The following KAZN variants were observed in gnomAD, a reference collection of about 807,000 sequenced individuals.
KAZN encodes the protein kazrin, periplakin interacting protein, also known as kazrin.
A neutral mutation model predicts 87.4 loss-of-function variants in KAZN; 40 were observed. The observed-to-expected ratio is 0.46, with a 90% CI of 0.36 to 0.60. The LOEUF (loss-of-function observed/expected upper bound fraction) is 0.60, where lower values mean the gene tolerates loss of function less well. Among genes scored for constraint, KAZN ranks in the 20% least tolerant of loss-of-function variants. KAZN has a pLI of 0.00. For synonymous variants in KAZN, 466 were observed against 458.3 expected, an observed-to-expected ratio of 1.02 and a Z score of -0.22; for missense variants, 898 against 1,073.9, an observed-to-expected ratio of 0.84 and a Z score of 2.29.
intron 1 of KAZN, among the ~76,000 whole-genome samples, chr1:14,932,222 A>G (rs1659913260): frequency 6.6e-6 from 1 of 152,016 alleles, no homozygotes; most frequent in Admixed American, 6.5e-5. Context: ...CTGTTCGTCC[A>G]TGCTCCCCAC....
chr1:15,067,434 C>T (rs190384841), intron 8 of KAZN: 13 of 985,444 alleles, frequency 1.3e-5, no homozygotes, highest in Admixed American at 1.2e-4. Flanking sequence ...TGCCAGGGGA[C>T]GGAGGATGTG....
At chr1:14,322,965 A>AG (rs1349240023) in intron 2 of KAZN, among the ~76,000 whole-genome samples, 3 of 152,230 alleles carry the variant, frequency 2.0e-5, no homozygotes, top group Non-Finnish European at 4.4e-5. Context: ...GAAGGCAAAG[A>AG]GGAAGCAAGG....
intron 1 of KAZN, among the ~76,000 whole-genome samples, chr1:14,849,925 T>A (rs910765991): frequency 1.3e-5 from 2 of 150,482 alleles, no homozygotes; most frequent in African/African-American, 4.9e-5. Context: ...CTTGGGTAGA[T>A]TTTCTACCCC....
intron 1 of KAZN, among the ~76,000 whole-genome samples, chr1:14,008,638 A>T (rs1417512047): frequency 6.6e-6 from 1 of 152,224 alleles, no homozygotes; most frequent in Non-Finnish European, 1.5e-5. Flanking sequence ...AAATCAGATG[A>T]CTGGTGACAT....
At chr1:14,477,990 T>C (rs1668846971) in intron 2 of KAZN, among the ~76,000 whole-genome samples, 1 of 152,220 alleles carries the variant, frequency 6.6e-6, no homozygotes, top group Non-Finnish European at 1.5e-5. Flanking sequence ...GCCTTGTGTC[T>C]CCACAGCTCA....
intron 1 of KAZN, among the ~76,000 whole-genome samples, chr1:14,804,105 A>G (rs1416401262): frequency 2.0e-5 from 3 of 152,064 alleles, no homozygotes; most frequent in Non-Finnish European, 2.9e-5. Context: ...AGGGCTCACA[A>G]ATGGTTCTGT....
intron 1 of KAZN, among the ~76,000 whole-genome samples, chr1:14,712,278 A>G (rs1172693733): frequency 1.3e-5 from 2 of 152,158 alleles, no homozygotes; most frequent in African/African-American, 4.8e-5. Context: ...TGTGAGATTC[A>G]TCTGTGCCTG....
intron 1 of KAZN, among the ~76,000 whole-genome samples, chr1:14,914,970 C>T (rs907476739): frequency 6.6e-6 from 1 of 152,128 alleles, no homozygotes; most frequent in Non-Finnish European, 1.5e-5. Context: ...GCGGGCGGAT[C>T]ACCTGAGGTC....
At chr1:13,893,184 T>G (rs936547101) in exon 1 of KAZN, 1 of 152,288 alleles carries the variant, frequency 6.6e-6, no homozygotes, top group Admixed American at 6.5e-5. Context: ...TGGGGCAGCC[T>G]CGCGCCCTGC....
chr1:14,386,715 A>G (rs1661931197), intron 2 of KAZN, among the ~76,000 whole-genome samples: 1 of 152,060 alleles, frequency 6.6e-6, no homozygotes, highest in African/African-American at 2.4e-5. Context: ...CTTTGAGGGT[A>G]ACATGACCTT....
chr1:14,889,103 G>C (rs2101147565), intron 1 of KAZN, among the ~76,000 whole-genome samples: 1 of 152,322 alleles, frequency 6.6e-6, no homozygotes. Context: ...GCCGCATGCA[G>C]CCTGCGGGCC....
chr1:14,819,586 C>T (rs1484746940), intron 1 of KAZN, among the ~76,000 whole-genome samples: 4 of 151,956 alleles, frequency 2.6e-5, no homozygotes, highest in African/African-American at 9.7e-5. Context: ...GCCAAAGTGC[C>T]CTACAGATTT....
chr1:13,956,315 T>TC (rs1641547434), intron 1 of KAZN, among the ~76,000 whole-genome samples: 1 of 140,652 alleles, frequency 7.1e-6, no homozygotes, highest in African/African-American at 3.2e-5. Flanking sequence ...TTTTTCTTTT[T>TC]TTTTTTTTGA....
At chr1:14,953,017 T>C (rs141934919) in intron 1 of KAZN, among the ~76,000 whole-genome samples, 2 of 152,346 alleles carry the variant, frequency 1.3e-5, no homozygotes, top group African/African-American at 4.8e-5. Flanking sequence ...GAGCCAAGAC[T>C]GAGCCCCAGC....
At chr1:14,850,587 C>T (rs1649318364) in intron 1 of KAZN, among the ~76,000 whole-genome samples, 1 of 152,200 alleles carries the variant, frequency 6.6e-6, no homozygotes, top group African/African-American at 2.4e-5. Flanking sequence ...TTCCACCTCA[C>T]TGCCATGGCC....
chr1:14,141,251 AAAC>A lies in KAZN; in HGVS notation c.92-39181_92-39179del, dbSNP rs1570848935. The stretch of plus-strand genomic sequence containing the variant: ...GATTACCATTTAAAAAAAAAAAAAA[AAAC>A]AAAACTAAAAATAGCTGCTTGGAGA... On this transcript the variant is annotated intron_variant, in intron 1 of 16. Transcript: ENST00000636203. Among the ~76,000 whole-genome samples the A allele has an allele frequency of 1.3e-4, 20 of 151,274 alleles. 1 individual carries two copies. Among genetic ancestry groups the A allele is most frequent in the African/African-American group, 3.2e-4 (13 of 41,136 alleles).
At chr1:15,111,659 A>T (rs1183701974) in intron 13 of KAZN, among the ~76,000 whole-genome samples, 1 of 152,224 alleles carries the variant, frequency 6.6e-6, no homozygotes, top group Non-Finnish European at 1.5e-5. Context: ...AAATCTGTTT[A>T]TCCACAGCAT....
intron 1 of KAZN, among the ~76,000 whole-genome samples, chr1:14,171,033 G>T (rs550830454): frequency 1.3e-5 from 2 of 152,280 alleles, no homozygotes; most frequent in African/African-American, 2.4e-5. Flanking sequence ...TCTTAAAAAT[G>T]GAATTACAAG....
chr1:14,535,494 C>T (rs555948615), intron 2 of KAZN, among the ~76,000 whole-genome samples: 3 of 152,062 alleles, frequency 2.0e-5, no homozygotes, highest in South Asian at 2.1e-4. Context: ...GGTGAAACCC[C>T]GTCTTTACTG....
Sources: gnomAD v4.1 joint callset for allele counts (sites outside exome capture counted in the v4.1 genomes callset) on GRCh38, gnomAD v4.1.1 for gene constraint, MANE v1.5 for transcripts, NCBI Gene and HGNC (gene_info 2026-07-23, HGNC 2026-07-21) for gene names.